Variants in KCNC2 observed in about 807,000 individuals in gnomAD.
KCNC2 encodes potassium voltage-gated channel subfamily C member 2.
In KCNC2, 21 loss-of-function variants were observed where a neutral mutation model predicts 44.5. The ratio of observed to expected loss-of-function variants is 0.47; its 90% CI spans 0.33 to 0.68. The LOEUF is 0.68. KCNC2 is among the 30% of genes least tolerant of loss of function. The pLI is 0.01. For missense variants in KCNC2, 589 were observed against 826.2 expected (o/e 0.71, Z 3.52); for synonymous variants, 391 against 339.1 (o/e 1.15, Z -1.68).
chr12:75,099,278 A>G (rs1886181288), intron 2 of KCNC2, among the ~76,000 whole-genome samples: 1 of 152,202 alleles, frequency 6.6e-6, no homozygotes, highest in South Asian at 2.1e-4. Context: ...TGAATATTTC[A>G]TGCACAAACC....
chr12:75,049,161 A>G (rs1880890598), intron 3 of KCNC2, among the ~76,000 whole-genome samples: 1 of 152,180 alleles, frequency 6.6e-6, no homozygotes, highest in Non-Finnish European at 1.5e-5. Context: ...CTAAATAAGC[A>G]TAAGGACTGT....
chr12:75,114,166 T>C lies in KCNC2; in HGVS notation c.688-62849A>G, dbSNP rs569771758. ...TCAAAATCTGTTGGAATCTATAAAA[T>C]ATTCAACCAACATGAGAGTGCTTTT... On this transcript the variant is annotated intron_variant, in intron 2 of 4. Transcript: ENST00000549446. Among the ~76,000 whole-genome samples the C allele has an allele frequency of 2.0e-5, 3 of 152,316 alleles. No homozygotes were observed. In the South Asian group the frequency reaches 6.2e-4, roughly 32 times the overall value.
At chr12:75,058,358 T>G (rs1188838283) in intron 2 of KCNC2, among the ~76,000 whole-genome samples, 1 of 151,854 alleles carries the variant, frequency 6.6e-6, no homozygotes, top group Admixed American at 6.6e-5. Context: ...TATAAATTTA[T>G]TTTTAAATGA....
intron 2 of KCNC2, among the ~76,000 whole-genome samples, chr12:75,126,974 C>A (rs1261271713): frequency 6.6e-6 from 1 of 152,132 alleles, no homozygotes; most frequent in Non-Finnish European, 1.5e-5. Context: ...AAGCTTCGAG[C>A]TTTCCATCAT....
intron 2 of KCNC2, among the ~76,000 whole-genome samples, chr12:75,111,517 A>C (rs1374368428): frequency 6.6e-6 from 1 of 151,274 alleles, no homozygotes; most frequent in Non-Finnish European, 1.5e-5. Flanking sequence ...ATACTGACTT[A>C]TTGTATATCA....
intron 2 of KCNC2, among the ~76,000 whole-genome samples, chr12:75,201,229 A>G (rs985013777): frequency 2.1e-5 from 3 of 140,268 alleles, no homozygotes; most frequent in African/African-American, 5.6e-5. Flanking sequence ...AGCTGTAGGG[A>G]AAAAAAAGGG....
At chr12:75,108,283 T>C (rs1886948854) in intron 2 of KCNC2, among the ~76,000 whole-genome samples, 1 of 152,186 alleles carries the variant, frequency 6.6e-6, no homozygotes, top group Non-Finnish European at 1.5e-5. Flanking sequence ...GCTACTTAAC[T>C]TCTCTGATCT....
Position 75,207,764 on chromosome 12 carries a change from G to T in KCNC2, c.220C>A (p.Pro74Thr). The T allele has an allele frequency of 6.4e-7, 1 of 1,574,198 alleles. No homozygotes were observed. Among genetic ancestry groups the T allele is most frequent in the Non-Finnish European group, 8.6e-7 (1 of 1,160,486 alleles). Residue 74 changes from proline (P) to threonine (T), a missense_variant, in exon 2 of 5, where the codon CCA becomes ACA. Physicochemically the swap from Pro to Thr is conservative, Grantham distance 38. Around this residue, in one of 7 missense-constraint regions of KCNC2, gnomAD observed 148 missense variants for 140.1 expected, o/e 1.06. Coordinates refer to ENST00000549446, the MANE Select transcript of KCNC2 (RefSeq NM_139137.4). The surrounding 1 kb of genome is among the most constrained non-coding windows in gnomAD (Gnocchi z 4.1). ...PPRAPPLSPGPGGCFEGGAGN... is the reference protein window; with the variant it reads ...PPRAPPLSPGTGGCFEGGAGN... ...GCGCCGCCCTCGAAGCAGCCGCCTG[G>T]CCCGGGGGACAGCGGGGGCGCTCTC... is the stretch of plus-strand genomic sequence containing the variant.
chr12:75,105,446 A>G (rs1002961808), intron 2 of KCNC2, among the ~76,000 whole-genome samples: 1 of 152,088 alleles, frequency 6.6e-6, no homozygotes, highest in African/African-American at 2.4e-5. Flanking sequence ...AAATAATAGG[A>G]AGCCATTCTT....
At chr12:75,192,774 A>G (rs2030407999) in intron 2 of KCNC2, among the ~76,000 whole-genome samples, 1 of 152,212 alleles carries the variant, frequency 6.6e-6, no homozygotes, top group Admixed American at 6.5e-5. Context: ...GAAATACATC[A>G]TTGTAGGCAA....
Position 75,051,284 on chromosome 12 carries a change from C to A in KCNC2, c.721G>T (p.Val241Phe). The change falls in exon 3 of 5, where the codon GTT (valine) becomes TTT (phenylalanine). Residue 241 changes from valine (V) to phenylalanine (F), a missense_variant. Transcript: ENST00000549446. ...IAFASLFFILVSITTFCLETH... is the reference protein window; with the variant it reads ...IAFASLFFILFSITTFCLETH... ...TCCAGGCAAAAAGTTGTAATTGAAA[C>A]CAGGATGAAGAATAAAGAAGCAAAA... 6.3e-7 allele frequency: 1 copy of A among 1,596,110 alleles called. No homozygotes were observed. The highest frequency in any genetic ancestry group is 8.6e-7 in the Non-Finnish European group (1 of 1,167,044).
chr12:75,180,210 A>G (rs756925502), intron 2 of KCNC2, among the ~76,000 whole-genome samples: 1 of 151,784 alleles, frequency 6.6e-6, no homozygotes, highest in Non-Finnish European at 1.5e-5. Context: ...GTATCACACC[A>G]TTTTCTGCTT....
Position 75,200,107 on chromosome 12 carries a change from T to C in KCNC2, c.687+7190A>G, listed in dbSNP as rs74636585. Among the ~76,000 whole-genome samples the C allele has an allele frequency of 6.0e-3, 907 of 152,000 alleles. 3 individuals are homozygous for C. The highest frequency in any genetic ancestry group is 0.01 in the Middle Eastern group (3 of 294). On this transcript the variant is annotated intron_variant, in intron 2 of 4. Coordinates refer to ENST00000549446, the MANE Select transcript of KCNC2 (RefSeq NM_139137.4). ...TAAAATAATGACATATTTCTGATAT[T>C]GTTGAACAATAAGACATGGAAGGGA...
intron 2 of KCNC2, among the ~76,000 whole-genome samples, chr12:75,200,837 T>A (rs1199341926): frequency 2.6e-5 from 4 of 151,694 alleles, no homozygotes; most frequent in Non-Finnish European, 5.9e-5. Flanking sequence ...ATGGAAGAGA[T>A]TAGAATTGAA....
intron 2 of KCNC2, among the ~76,000 whole-genome samples, chr12:75,080,510 G>T (rs139494039): frequency 5.1e-4 from 78 of 152,192 alleles, no homozygotes; most frequent in African/African-American, 1.8e-3. Flanking sequence ...CAACACCAGA[G>T]ATTTAATTTA....
At chr12:75,064,656 C>A (rs1882651621) in intron 2 of KCNC2, among the ~76,000 whole-genome samples, 1 of 151,984 alleles carries the variant, frequency 6.6e-6, no homozygotes, top group South Asian at 2.1e-4. Context: ...AAATTGTCAG[C>A]AGTGGCAAAT....
In KCNC2 at chr12:75,207,549, C is replaced by T. The variant is rs367580019; in HGVS notation, c.435G>A (p.Glu145=). ...TCCAGCAGCAGGGCTCCACGTCGGT[C>T]TCGTCGATGCCCCAGAAGGCCAGCT... The part of the protein sequence containing the change: ...EEELAFWGID[E]TDVEPCCWMT... Residue 145 remains glutamate, a synonymous_variant, in exon 2 of 5, where the codon GAG becomes GAA. Coordinates refer to ENST00000549446, the MANE Select transcript of KCNC2 (RefSeq NM_139137.4). This position sits in a 1 kb window ranked among gnomAD's most constrained non-coding sequence, Gnocchi z 4.1. 1.2e-6 allele frequency: 2 copies of T among 1,612,082 alleles called. No homozygotes were observed. The highest frequency in any genetic ancestry group is 2.7e-5 in the African/African-American group (2 of 74,852).
In KCNC2 at chr12:75,040,455, T is replaced by C. The variant is rs1879784974; in HGVS notation, c.*2650A>G. On this transcript the variant is annotated 3_prime_UTR_variant, in exon 5 of 5. Transcript: ENST00000549446. ...ATATAATTTAATTGATATTCTACTA[T>C]ATACTGACATTGCTCCTTGATCATT... The C allele has an allele frequency of 6.6e-6, 1 of 152,616 alleles. No homozygotes were observed. The allele number at this position is 152,616 out of a possible 1,614,324, so 9.5% of individuals were successfully genotyped here. A position where few individuals can be genotyped will look rare whatever the true frequency, so the allele number is the denominator to read the frequency against.
At chr12:75,187,843 T>C (rs1232328183) in intron 2 of KCNC2, among the ~76,000 whole-genome samples, 1 of 152,154 alleles carries the variant, frequency 6.6e-6, no homozygotes, top group Non-Finnish European at 1.5e-5. Context: ...AAAAGATGGA[T>C]TTCTATACAG....
Sources: allele counts gnomAD v4.1 joint callset (sites outside exome capture counted in the v4.1 genomes callset), GRCh38; gene constraint gnomAD v4.1.1; regional missense constraint gnomAD v4.1.1; non-coding constraint Gnocchi (gnomAD v3.1); transcripts MANE v1.5; gene names NCBI Gene and HGNC (gene_info 2026-07-23, HGNC 2026-07-21).